TM2D1: variants seen among roughly 807,000 people sequenced by gnomAD.
TM2D1 encodes the protein TM2 domain-containing protein 1.
TM2D1 carries 15 observed loss-of-function variants against 28.4 expected under a neutral mutation model. The observed-to-expected ratio is 0.53, with a 90% CI of 0.35 to 0.81. TM2D1 has a LOEUF of 0.81. Ranked by LOEUF, TM2D1 falls within the 40% of genes least tolerant of loss-of-function variation. TM2D1 has a pLI of 0.01. For synonymous variants in TM2D1, 93 were observed against 96.2 expected, an observed-to-expected ratio of 0.97 and a Z score of 0.20; for missense variants, 236 against 254.9, an observed-to-expected ratio of 0.93 and a Z score of 0.50.
At chr1:61,708,858 A>T (rs946368801) in intron 3 of TM2D1, among the ~76,000 whole-genome samples, 3 of 135,138 alleles carry the variant, frequency 2.2e-5, no homozygotes, top group East Asian at 2.2e-4. Context: ...TTGCATTTAT[A>T]AAAAAAAAAA....
At chr1:61,694,284 C>T (rs1179872912) in intron 5 of TM2D1, 1 of 153,988 alleles carries the variant, frequency 6.5e-6, no homozygotes, top group African/African-American at 2.4e-5. Context: ...AGAATCCTAT[C>T]AATGCTTTTA....
intron 5 of TM2D1, among the ~76,000 whole-genome samples, chr1:61,691,932 A>AAAATATATACATATATAT: frequency 1.3e-5 from 1 of 76,414 alleles, no homozygotes; most frequent in Non-Finnish European, 2.6e-5. Flanking sequence ...AAAAAAAAAA[A>AAAATATATACATATATAT]ATATATATAT....
At chr1:61,713,488 C>CAAAAA (rs369601221) in intron 2 of TM2D1, among the ~76,000 whole-genome samples, 162 of 91,338 alleles carry the variant, frequency 1.8e-3, no homozygotes, top group Non-Finnish European at 2.4e-3. Context: ...AACTCAAAAA[C>CAAAAA]AAAAAAAAAA....
intron 2 of TM2D1, among the ~76,000 whole-genome samples, chr1:61,718,799 T>C (rs1644540756): frequency 1.3e-5 from 2 of 152,050 alleles, no homozygotes; most frequent in African/African-American, 4.8e-5. Context: ...TCTATTAAAA[T>C]AAAGGGAGGC....
At chr1:61,721,880 C>T (rs1644567238) in intron 2 of TM2D1, among the ~76,000 whole-genome samples, 1 of 137,762 alleles carries the variant, frequency 7.3e-6, no homozygotes, top group Non-Finnish European at 1.5e-5. Context: ...GAGACCAAAG[C>T]AAGAGAACTG....
chr1:61,696,769 T>C (rs1443740400), intron 4 of TM2D1, among the ~76,000 whole-genome samples: 1 of 152,084 alleles, frequency 6.6e-6, no homozygotes, highest in African/African-American at 2.4e-5. Flanking sequence ...CCCTGCCCCA[T>C]AACCCACTAT....
chr1:61,718,710 A>G (rs78775588), intron 2 of TM2D1, among the ~76,000 whole-genome samples: 4 of 152,236 alleles, frequency 2.6e-5, no homozygotes, highest in Non-Finnish European at 4.4e-5. Flanking sequence ...CACTCCATCA[A>G]TTATGTTACT....
chr1:61,684,932 C>G (rs1644273043), intron 5 of TM2D1, among the ~76,000 whole-genome samples: 1 of 152,176 alleles, frequency 6.6e-6, no homozygotes, highest in African/African-American at 2.4e-5. Flanking sequence ...TGGGCGCCAT[C>G]ACGCCCAGCT....
intron 4 of TM2D1, among the ~76,000 whole-genome samples, chr1:61,700,637 C>T (rs1644394446): frequency 6.6e-6 from 1 of 152,150 alleles, no homozygotes; most frequent in Admixed American, 6.5e-5. Flanking sequence ...ATTAACTAAA[C>T]ATCCAGTGTG....
At chr1:61,686,152 T>C (rs1436599123) in intron 5 of TM2D1, among the ~76,000 whole-genome samples, 1 of 152,218 alleles carries the variant, frequency 6.6e-6, no homozygotes, top group Non-Finnish European at 1.5e-5. Context: ...TTGATTATAA[T>C]GAAGAATAGA....
intron 5 of TM2D1, among the ~76,000 whole-genome samples, chr1:61,688,719 T>TC (rs1440393601): frequency 6.9e-6 from 1 of 144,392 alleles, no homozygotes; most frequent in Non-Finnish European, 1.5e-5. Context: ...CGAGACTCTG[T>TC]CCCCCCACCG....
At chr1:61,716,133 C>A (rs1160130829) in intron 2 of TM2D1, among the ~76,000 whole-genome samples, 3 of 151,248 alleles carry the variant, frequency 2.0e-5, no homozygotes, top group Non-Finnish European at 4.4e-5. Flanking sequence ...CAAGCCTGGG[C>A]AACATAGTGA....
chr1:61,686,671 A>G (rs1199053319), intron 5 of TM2D1: 1 of 464,738 alleles, frequency 2.2e-6, no homozygotes, highest in Non-Finnish European at 2.8e-6. Flanking sequence ...TCTCAAAGAA[A>G]AAATAAATAA....
chr1:61,684,351 C>A (rs1021649404), intron 5 of TM2D1, among the ~76,000 whole-genome samples: 2 of 152,150 alleles, frequency 1.3e-5, no homozygotes, highest in Non-Finnish European at 2.9e-5. Context: ...TGATACCATG[C>A]TACACTGGAA....
intron 5 of TM2D1, chr1:61,687,026 T>C (rs992126262): frequency 3.9e-5 from 37 of 960,716 alleles, no homozygotes; most frequent in Admixed American, 1.8e-4. Flanking sequence ...CCCAAAATTA[T>C]GAGTTTATTT....
intron 2 of TM2D1, among the ~76,000 whole-genome samples, chr1:61,715,968 AT>A (rs1175479095): frequency 7.5e-5 from 11 of 146,174 alleles, no homozygotes; most frequent in South Asian, 2.2e-4. Flanking sequence ...TGCCCAGCTA[AT>A]TTTTTTTTTG....
At position 61,719,882 on chromosome 1, in the gene TM2D1, T is replaced by C. The variant is rs140605585; in HGVS notation, c.238+3831A>G. ...CCAAATAAAAAGATAAAAAATAATA[T>C]ACTGTTTGCAACACTAATTTACAGT... On this transcript the variant is annotated intron_variant, in intron 2 of 6. Transcript: ENST00000606498. Among the ~76,000 whole-genome samples the C allele has an allele frequency of 4.8e-4, 73 of 152,302 alleles. 2 individuals are homozygous for C. The Middle Eastern group carries it at 0.02, about 43-fold the overall frequency.
At chr1:61,696,871 G>A (rs1644366816) in intron 4 of TM2D1, among the ~76,000 whole-genome samples, 1 of 151,908 alleles carries the variant, frequency 6.6e-6, no homozygotes, top group African/African-American at 2.4e-5. Flanking sequence ...TGATCTTCCT[G>A]CCTTGGCCTC....
chr1:61,687,249 G>A (rs1354645100), intron 5 of TM2D1, among the ~76,000 whole-genome samples: 1 of 152,098 alleles, frequency 6.6e-6, no homozygotes, highest in Non-Finnish European at 1.5e-5. Context: ...CCAGAAGGTG[G>A]GAAGAGAAGG....
Sources: allele counts gnomAD v4.1 joint callset (sites outside exome capture counted in the v4.1 genomes callset), GRCh38; gene constraint gnomAD v4.1.1; transcripts MANE v1.5; gene names NCBI Gene and HGNC (gene_info 2026-07-23, HGNC 2026-07-21).